Variants in AGMO observed in about 807,000 individuals in gnomAD.
AGMO encodes glyceryl-ether monooxygenase.
In AGMO, 75 loss-of-function variants were observed where a neutral mutation model predicts 60.2. That is an observed-to-expected ratio of 1.25 (90% confidence interval 1.03 to 1.51). The LOEUF (loss-of-function observed/expected upper bound fraction) is 1.51. Among genes scored for constraint, AGMO ranks in the 40% most tolerant of loss-of-function variants. The probability of loss-of-function intolerance (pLI) is 0.00; values close to 1 mark genes in which losing one functional copy is unlikely to be tolerated. For missense variants in AGMO, 763 were observed against 525.5 expected (o/e 1.45, Z -4.42); for synonymous variants, 261 against 177.1 (o/e 1.47, Z -3.76).
rs1029123247 is a variant in AGMO, at chr7:15,397,861, A to G, written c.610-3682T>C. On this transcript the variant is annotated intron_variant, in intron 5 of 12. Transcript: ENST00000342526. ...ATGAAGTAAAGCACACACTGTTAAT[A>G]ACCAGGAATTGGGAAGAAAGTACAG... Among the ~76,000 whole-genome samples the G allele has an allele frequency of 2.6e-5, 4 of 152,214 alleles. No individual in the cohort carries two copies. The East Asian group carries it at 7.7e-4, about 29-fold the overall frequency.
intron 3 of AGMO, among the ~76,000 whole-genome samples, chr7:15,478,011 C>T (rs561703725): frequency 6.2e-4 from 94 of 152,084 alleles, no homozygotes; most frequent in Non-Finnish European, 1.1e-3. Context: ...CCACACCTTT[C>T]TCCTGTGTAT....
At chr7:15,177,525 T>G in the AGMO span, among the ~76,000 whole-genome samples, 1 of 152,132 alleles carries the variant, frequency 6.6e-6, no homozygotes, top group Non-Finnish European at 1.5e-5. Flanking sequence ...ATGTAGATAT[T>G]GTCTGCTGAT....
the AGMO span, among the ~76,000 whole-genome samples, chr7:15,154,169 A>C: frequency 2.6e-5 from 4 of 152,210 alleles, no homozygotes; most frequent in Non-Finnish European, 5.9e-5. Context: ...CTGGTAAATG[A>C]ATTCAGCAAA....
intron 12 of AGMO, among the ~76,000 whole-genome samples, chr7:15,202,458 CAAAAAAAAAAAAAAA>C (rs71004370): frequency 0.026 from 1,201 of 45,432 alleles, 47 homozygotes; most frequent in African/African-American, 0.076. Flanking sequence ...TACAAATGAG[CAAAAAAAAAAAAAAA>C]AAAAAAAAAA....
chr7:15,311,323 A>AT (rs1029232540), intron 12 of AGMO, among the ~76,000 whole-genome samples: 2 of 152,130 alleles, frequency 1.3e-5, no homozygotes, highest in Non-Finnish European at 2.9e-5. Context: ...CATTTTTGAC[A>AT]TTTTCACTTA....
At chr7:15,196,924 C>G (rs547879511), downstream of AGMO, among the ~76,000 whole-genome samples, 17 of 152,156 alleles carry the variant, frequency 1.1e-4, no homozygotes, top group African/African-American at 4.1e-4. Flanking sequence ...AACATCAATG[C>G]TTAATTTGCT....
the AGMO span, among the ~76,000 whole-genome samples, chr7:15,145,398 AAAC>A: frequency 3.3e-5 from 5 of 152,168 alleles, no homozygotes; most frequent in Non-Finnish European, 5.9e-5. Flanking sequence ...GAATACAATA[AAAC>A]TAAATGAAAA....
chr7:15,329,661 T>TG (rs1781443971), intron 12 of AGMO, among the ~76,000 whole-genome samples: 1 of 152,234 alleles, frequency 6.6e-6, no homozygotes, highest in African/African-American at 2.4e-5. Flanking sequence ...ATGTTATTCT[T>TG]GATATATCCT....
chr7:15,272,171 T>G (rs1015445254), intron 12 of AGMO, among the ~76,000 whole-genome samples: 1 of 151,904 alleles, frequency 6.6e-6, no homozygotes, highest in African/African-American at 2.4e-5. Context: ...CTAGGGTAAA[T>G]GTGCACAACG....
At chr7:15,222,516 C>CT (rs1158801259) in intron 12 of AGMO, among the ~76,000 whole-genome samples, 2 of 152,024 alleles carry the variant, frequency 1.3e-5, no homozygotes, top group Non-Finnish European at 2.9e-5. Flanking sequence ...AGTCATCTTG[C>CT]TTTTTGGCTA....
chr7:15,118,989 GT>G, the AGMO span, among the ~76,000 whole-genome samples: 33 of 143,038 alleles, frequency 2.3e-4, no homozygotes, highest in African/African-American at 1.3e-4. Flanking sequence ...AGCTATTGGG[GT>G]TTTTTTTTCC....
chr7:15,320,240 A>G (rs1161830035), intron 12 of AGMO, among the ~76,000 whole-genome samples: 1 of 152,102 alleles, frequency 6.6e-6, no homozygotes, highest in Admixed American at 6.6e-5. Flanking sequence ...TTACACATGT[A>G]CCCTAGAAAA....
the AGMO span, among the ~76,000 whole-genome samples, chr7:15,156,387 C>T: frequency 6.6e-6 from 1 of 152,184 alleles, no homozygotes; most frequent in African/African-American, 2.4e-5. Context: ...CAGACTGGCC[C>T]CCTCCCACGG....
chr7:15,484,762 G>A (rs946026740), intron 3 of AGMO, among the ~76,000 whole-genome samples: 1 of 152,086 alleles, frequency 6.6e-6, no homozygotes, highest in African/African-American at 2.4e-5. Context: ...ATGGCAGGGG[G>A]TCAAAGCATT....
At position 15,345,120 on chromosome 7, in the gene AGMO, C is replaced by T. The variant is rs1234044005; in HGVS notation, c.1263+20394G>A. ...CTTTACAAAACACAAAAATGCAAAT[C>T]TAATCAAATGGTTTCTATGCTTAAA... On this transcript the variant is annotated intron_variant, in intron 12 of 12. Transcript: ENST00000342526. Among the ~76,000 whole-genome samples, 3 of 152,168 alleles carry T rather than the reference C, an allele frequency of 2.0e-5. No homozygotes were observed. In the East Asian group the frequency reaches 5.8e-4, roughly 29 times the overall value.
chr7:15,267,354 G>C (rs540752815), intron 12 of AGMO, among the ~76,000 whole-genome samples: 1 of 151,762 alleles, frequency 6.6e-6, no homozygotes, highest in East Asian at 1.9e-4. Context: ...AAGTGAAAAA[G>C]ACAGAATAAA....
At chr7:15,304,874 T>C (rs1780564608) in intron 12 of AGMO, among the ~76,000 whole-genome samples, 2 of 151,962 alleles carry the variant, frequency 1.3e-5, no homozygotes, top group South Asian at 4.1e-4. Flanking sequence ...ACACACAATG[T>C]TTAAGAAGAA....
At chr7:15,380,087 T>C (rs987594199) in intron 10 of AGMO, among the ~76,000 whole-genome samples, 2 of 152,124 alleles carry the variant, frequency 1.3e-5, no homozygotes, top group African/African-American at 2.4e-5. Flanking sequence ...GCATTCCCCT[T>C]GAAACCAGCA....
intron 12 of AGMO, among the ~76,000 whole-genome samples, chr7:15,357,254 T>C (rs950633703): frequency 6.6e-6 from 1 of 150,980 alleles, no homozygotes; most frequent in Non-Finnish European, 1.5e-5. Context: ...AAAGTACGTA[T>C]ATAGCAGACT....
Sources: gnomAD v4.1 joint callset for allele counts (sites outside exome capture counted in the v4.1 genomes callset) on GRCh38, gnomAD v4.1.1 for gene constraint, MANE v1.5 for transcripts, NCBI Gene and HGNC (gene_info 2026-07-23, HGNC 2026-07-21) for gene names.